ANK2: variants seen among roughly 807,000 people sequenced by gnomAD.
The protein encoded by ANK2 is ankyrin 2, also known as ankyrin-2.
A neutral mutation model predicts 360.5 loss-of-function variants in ANK2; 83 were observed. That is an observed-to-expected ratio of 0.23 (90% CI 0.19 to 0.28). The LOEUF is 0.28. Ranked by LOEUF, ANK2 falls within the 10% of genes least tolerant of loss-of-function variation. ANK2 has a pLI of 1.00. For synonymous variants in ANK2, 1,740 were observed against 1,759.5 expected (o/e 0.99, Z 0.28); for missense variants, 4,201 against 4,795.7 (o/e 0.88, Z 3.66).
chr4:113,346,806 G>A (rs1026117270), intron 35 of ANK2, among the ~76,000 whole-genome samples: 11 of 152,138 alleles, frequency 7.2e-5, no homozygotes, highest in Admixed American at 6.6e-5. Context: ...TCTACCTACA[G>A]GAATTACTTT....
intron 1 of ANK2, among the ~76,000 whole-genome samples, chr4:113,066,097 A>T (rs2075498270): frequency 6.6e-6 from 1 of 152,208 alleles, no homozygotes; most frequent in African/African-American, 2.4e-5. Flanking sequence ...CCATTAACAC[A>T]TATGTCCTCT....
chr4:113,269,766 A>C (rs997526919), intron 14 of ANK2, among the ~76,000 whole-genome samples: 1 of 152,236 alleles, frequency 6.6e-6, no homozygotes, highest in African/African-American at 2.4e-5. Context: ...TATCAGTAAA[A>C]TATGAGGGTT....
chr4:113,221,405 A>C (rs375236515), intron 4 of ANK2, among the ~76,000 whole-genome samples: 1 of 152,182 alleles, frequency 6.6e-6, no homozygotes, highest in Non-Finnish European at 1.5e-5. Flanking sequence ...CACATCTGCA[A>C]TACCAGCACT....
rs28377576 is a variant in ANK2 at position 113,355,724 on chromosome 4, T to C, written c.7106T>C (p.Val2369Ala). The C allele has an allele frequency of 0.11, 172,872 of 1,613,532 alleles. 10,120 individuals are homozygous for C. Among genetic ancestry groups the C allele is most frequent in the African/African-American group, 0.18 (13,433 of 74,870 alleles). ...SAHKTQTDSE[V>A]QESTATSDET... ...CACAAGACACAAACTGATAGTGAGG[T>C]TCAAGAATCCACAGCCACCTCAGAC... The change falls in exon 38 of 46, where the codon GTT (valine) becomes GCT (alanine). Residue 2369 changes from valine to alanine, a missense_variant. This residue lies in a region of ANK2 where 2,642 missense variants were observed against 2,714.5 expected (regional missense o/e 0.97). Transcript: ENST00000357077.
chr4:113,093,330 A>T (rs2089475389), intron 1 of ANK2, among the ~76,000 whole-genome samples: 1 of 152,068 alleles, frequency 6.6e-6, no homozygotes, highest in Non-Finnish European at 1.5e-5. Flanking sequence ...TTTATATAAG[A>T]AGTAGTTCCT....
chr4:112,757,270 G>T, the ANK2 span, among the ~76,000 whole-genome samples: 1,914 of 151,886 alleles, frequency 0.013, 50 homozygotes, highest in African/African-American at 0.044. Context: ...CCGCCACCAA[G>T]CCCGGCTAAT....
the ANK2 span, among the ~76,000 whole-genome samples, chr4:112,708,609 TAATGA>T: frequency 6.6e-6 from 1 of 152,202 alleles, no homozygotes; most frequent in Non-Finnish European, 1.5e-5. Context: ...GTTCTAAAGA[TAATGA>T]AATGAAGAGG....
chr4:112,881,682 C>A, intron 1 of ANK2: 1 of 485,810 alleles, frequency 2.1e-6, no homozygotes, highest in Non-Finnish European at 3.7e-6. Flanking sequence ...TACAATTAGT[C>A]ACAAACACAG....
chr4:113,381,752 C>T lies in ANK2; in HGVS notation c.*281C>T. The T allele has an allele frequency of 1.7e-6, 2 of 1,145,472 alleles. No individual in the cohort carries two copies. Among genetic ancestry groups the T allele is most frequent in the Non-Finnish European group, 2.5e-6 (2 of 815,404 alleles). The allele number at this position is 1,145,472 out of a possible 1,614,324, so 71.0% of individuals were successfully genotyped here. On this transcript the variant is annotated 3_prime_UTR_variant, in exon 46 of 46. Coordinates refer to ENST00000357077, the MANE Select transcript of ANK2 (RefSeq NM_001148.6). ...AATTAATGGGATACCCCGACATTTC[C>T]ACTGTTAGCAAATATACGGCATTTT...
chr4:112,752,102 G>GT, the ANK2 span, among the ~76,000 whole-genome samples: 1 of 152,152 alleles, frequency 6.6e-6, no homozygotes, highest in Non-Finnish European at 1.5e-5. Context: ...GAAATTAGAG[G>GT]TTTTTTATGA....
intron 1 of ANK2, among the ~76,000 whole-genome samples, chr4:113,089,804 A>C (rs2086844173): frequency 6.6e-6 from 1 of 152,140 alleles, no homozygotes; most frequent in Non-Finnish European, 1.5e-5. Context: ...AGCCTAGGTA[A>C]CAAGAGCGAA....
In ANK2 at chr4:112,860,863, T is replaced by C. The variant is rs2067781503; in HGVS notation, c.-40+42599T>C. ...GGAGCTGCCAAAGGGTACAAAAGAA[T>C]TGCTTCACTGTTAATTTTGCTGGAC... On this transcript the variant is annotated intron_variant, in intron 1 of 30. Coordinates refer to the ANK2 transcript ENST00000503271. 2.6e-5 allele frequency among the ~76,000 whole-genome samples: 4 copies of C among 152,298 alleles called. No individual in the cohort carries two copies. In the South Asian group the frequency reaches 8.3e-4, roughly 32 times the overall value.
At chr4:113,226,384 G>C (rs1165965957) in intron 4 of ANK2, among the ~76,000 whole-genome samples, 5 of 152,170 alleles carry the variant, frequency 3.3e-5, no homozygotes, top group Admixed American at 6.5e-5. Flanking sequence ...CGTATGTCCT[G>C]TGTTGTCTCA....
intron 27 of ANK2, among the ~76,000 whole-genome samples, chr4:113,331,681 C>T (rs2092471100): frequency 6.6e-6 from 1 of 152,176 alleles, no homozygotes; most frequent in South Asian, 2.1e-4. Context: ...TTCCCAACAG[C>T]TTGTCTTTCT....
intron 2 of ANK2, among the ~76,000 whole-genome samples, chr4:112,923,435 T>C (rs942393763): frequency 1.3e-5 from 2 of 151,976 alleles, no homozygotes; most frequent in African/African-American, 2.4e-5. Context: ...TAAATGTTGC[T>C]GTATTTTTTT....
chr4:113,337,742 T>TG (rs1342525502), intron 31 of ANK2, among the ~76,000 whole-genome samples: 2 of 152,216 alleles, frequency 1.3e-5, no homozygotes, highest in Admixed American at 6.5e-5. Flanking sequence ...TAATAATGAG[T>TG]GGGGGGAAAT....
chr4:113,171,492 T>C (rs1374302063), intron 1 of ANK2, among the ~76,000 whole-genome samples: 2 of 152,238 alleles, frequency 1.3e-5, no homozygotes, highest in Non-Finnish European at 2.9e-5. Flanking sequence ...TCTTGGACCA[T>C]TTTATGATAA....
At chr4:112,715,819 A>G in the ANK2 span, among the ~76,000 whole-genome samples, 16 of 152,104 alleles carry the variant, frequency 1.1e-4, no homozygotes, top group Non-Finnish European at 1.9e-4. Context: ...ACTTGCTCAC[A>G]TAGGGCCTGC....
intron 24 of ANK2, among the ~76,000 whole-genome samples, chr4:113,315,160 A>G (rs917813222): frequency 3.3e-5 from 5 of 152,220 alleles, no homozygotes; most frequent in South Asian, 2.1e-4. Context: ...TACAAAACCA[A>G]TTGAGAGATA....
Sources: allele counts gnomAD v4.1 joint callset (sites outside exome capture counted in the v4.1 genomes callset), GRCh38; gene constraint gnomAD v4.1.1; regional missense constraint gnomAD v4.1.1; transcripts MANE v1.5; gene names NCBI Gene and HGNC (gene_info 2026-07-23, HGNC 2026-07-21).